The following DDX18 variants were observed in gnomAD, a reference collection of about 807,000 sequenced individuals.
The protein encoded by DDX18 is ATP-dependent RNA helicase DDX18.
A neutral mutation model predicts 73.5 loss-of-function variants in DDX18; 23 were observed. The observed-to-expected ratio is 0.31, with a 90% confidence interval of 0.23 to 0.44. The LOEUF (loss-of-function observed/expected upper bound fraction) is 0.44. Ranked by LOEUF, DDX18 falls within the 20% of genes least tolerant of loss-of-function variation. The pLI, the probability that DDX18 is intolerant of heterozygous loss-of-function variation, is 1.00. For synonymous variants in DDX18, 268 were observed against 282.7 expected (o/e 0.95, Z 0.52); for missense variants, 753 against 792.9 (o/e 0.95, Z 0.60).
At chr2:117,815,725 T>G in intron 1 of DDX18, 1 of 152,212 alleles carries the variant, frequency 6.6e-6, no homozygotes, top group Non-Finnish European at 1.5e-5. Context: ...AGCGCATATG[T>G]AAGTAAATTT....
chr2:117,821,085 T>C (rs986202113), intron 3 of DDX18, 76 bp from the exon 4 acceptor site: 8 of 1,402,370 alleles, frequency 5.7e-6, no homozygotes, highest in South Asian at 1.6e-5. Flanking sequence ...CTAAGCAAAA[T>C]AGATTTAGGC....
Position 117,817,743 on chromosome 2 carries a change from T to G in DDX18, c.370+15T>G, listed in dbSNP as rs1453953691. 3.2e-6 allele frequency: 5 copies of G among 1,576,324 alleles called. No homozygotes were observed. Among genetic ancestry groups the G allele is most frequent in the Non-Finnish European group, 4.3e-6 (5 of 1,167,596 alleles). ...TGCTGAGCCTGGTAGGTATTTATTATCTTTGAACTTCAGCCATTTAGTTTT... is the reference window on the plus strand; with the variant it reads ...TGCTGAGCCTGGTAGGTATTTATTAGCTTTGAACTTCAGCCATTTAGTTTT... On this transcript the variant is annotated intron_variant, in intron 2 of 13. Transcript: ENST00000263239.
At position 117,828,661 on chromosome 2, in the gene DDX18, A is replaced by G. The variant is rs1265223241; in HGVS notation, c.1636-288A>G. The G allele has an allele frequency of 1.4e-5, 4 of 286,712 alleles. 1 individual carries two copies. In the Admixed American group the frequency reaches 2.0e-4, roughly 14 times the overall value. 17.8% of individuals were successfully genotyped at this position (286,712 alleles called of 1,614,324 possible). A position where few individuals can be genotyped will look rare whatever the true frequency, so the allele number is the denominator to read the frequency against. On this transcript the variant is annotated intron_variant, in intron 11 of 13. Transcript: ENST00000263239. ...CCTTCTGACTAGAAGCTTCAAGCTG[A>G]TTCATGGTTGCAAATAGTCAGGATT...
At position 117,821,720 on chromosome 2, in the gene DDX18, A is replaced by G; in HGVS notation, c.721A>G (p.Ile241Val). The stretch of plus-strand genomic sequence containing the variant: ...TTTTCTCATCCCTGCAGTTGAACTC[A>G]TTGTTAAGTTAAGGTTCATGCCCAG... ...LAFLIPAVEL[I>V]VKLRFMPRNG... Residue 241 changes from isoleucine to valine, a missense_variant, in exon 5 of 14, where the codon ATT becomes GTT. Ile to Val is a conservative substitution (Grantham distance 29). Coordinates refer to ENST00000263239, the MANE Select transcript of DDX18 (RefSeq NM_006773.4). 6.2e-7 allele frequency: 1 copy of G among 1,613,982 alleles called. No homozygotes were observed.
chr2:117,829,208 C>T (rs1162945635), intron 12 of DDX18, 81 bp from the exon 13 acceptor site: 18 of 1,444,914 alleles, frequency 1.2e-5, no homozygotes, highest in Non-Finnish European at 1.7e-5. Flanking sequence ...AGTGGCTTTG[C>T]TCTAGGATAT....
chr2:117,820,263 C>T (rs1414085197), intron 3 of DDX18, among the ~76,000 whole-genome samples: 2 of 152,202 alleles, frequency 1.3e-5, no homozygotes, highest in Non-Finnish European at 2.9e-5. Context: ...AGGCCCAACC[C>T]TAGACCTGCT....
rs984251182 is a variant in DDX18, at chr2:117,815,225, T to A, written c.85+363T>A. 3 of 233,830 alleles carry A rather than the reference T, an allele frequency of 1.3e-5. No homozygotes were observed. The South Asian group carries it at 1.8e-4, about 14-fold the overall frequency. The allele number at this position is 233,830 out of a possible 1,614,324, so 14.5% of individuals were successfully genotyped here. ...CCTCATCCCTCATTTCCGGTTATGC[T>A]GCATGAAACGTCTCATTTCCACCCA... On this transcript the variant is annotated intron_variant, in intron 1 of 13. Coordinates refer to ENST00000263239, the MANE Select transcript of DDX18 (RefSeq NM_006773.4).
Position 117,829,280 on chromosome 2 carries a change from C to T in DDX18, c.1693-9C>T. 1 of 1,575,308 alleles carries T rather than the reference C, an allele frequency of 6.3e-7. No individual in the cohort carries two copies. The highest frequency in any genetic ancestry group is 8.6e-7 in the Non-Finnish European group (1 of 1,164,830). On this transcript the variant is annotated splice_polypyrimidine_tract_variant and intron_variant, in intron 12 of 13. Coordinates refer to ENST00000263239, the MANE Select transcript of DDX18 (RefSeq NM_006773.4). ...TGTTTATTAAAACCAGTGTTTCTTT[C>T]TATTTCAGCTTGAGAAATTGATTGA...
In DDX18 at chr2:117,822,214, A is replaced by G. The variant is rs1157797542; in HGVS notation, c.1019A>G (p.Asp340Gly). The stretch of plus-strand genomic sequence containing the variant: ...ATTGATGAAGCTGATCGTATCTTGG[A>G]TGTGGGGTTTGAAGAGGAATTAAAG... ...LVIDEADRIL[D>G]VGFEEELKQI... The change falls in exon 7 of 14, where the codon GAT becomes GGT. Residue 340 changes from aspartate (D) to glycine (G), a missense_variant. Physicochemically the swap from Asp to Gly is moderately conservative, Grantham distance 94. Transcript: ENST00000263239. 1 of 1,613,706 alleles carries G rather than the reference A, an allele frequency of 6.2e-7. No individual in the cohort carries two copies. The highest frequency in any genetic ancestry group is 8.5e-7 in the Non-Finnish European group (1 of 1,179,828).
Position 117,829,116 on chromosome 2 carries a change from G to GAGGATC in DDX18, c.1692+115_1692+120dup, listed in dbSNP as rs1194287178. 4 of 1,166,436 alleles carry GAGGATC rather than the reference G, an allele frequency of 3.4e-6. No individual in the cohort carries two copies. The African/African-American group carries it at 6.1e-5, about 18-fold the overall frequency. 72.3% of individuals were successfully genotyped at this position (1,166,436 alleles called of 1,614,324 possible). The stretch of plus-strand genomic sequence containing the variant: ...TTTGAAGTCTACCCTGTCCTAAAGT[G>GAGGATC]AGGATCAGGCTGTGTAGTGTATAAG... On this transcript the variant is annotated intron_variant, in intron 12 of 13. Transcript: ENST00000263239.
At chr2:117,822,364 C>A in intron 7 of DDX18, 103 bp downstream of exon 7, 1 of 828,272 alleles carries the variant, frequency 1.2e-6, no homozygotes, top group Non-Finnish European at 1.9e-6. Context: ...TTTACCATAG[C>A]CAAGTGAGGT....
Position 117,829,436 on chromosome 2 carries a change from G to A in DDX18, c.1840G>A (p.Gly614Ser), listed in dbSNP as rs1558735481. 1 of 1,610,810 alleles carries A rather than the reference G, an allele frequency of 6.2e-7. No individual in the cohort carries two copies. The highest frequency in any genetic ancestry group is 1.7e-4 in the Middle Eastern group (1 of 6,042). Residue 614 changes from glycine to serine, a missense_variant, in exon 13 of 14, where the codon GGT (glycine) becomes AGT (serine). Physicochemically the swap from Gly to Ser is moderately conservative, Grantham distance 56. Coordinates refer to ENST00000263239, the MANE Select transcript of DDX18 (RefSeq NM_006773.4). ...LNLPQVALSF[G>S]FKVPPFVDLN... is the part of the protein sequence containing the mutation. ...TTTGCCTCAGGTTGCTCTGTCATTTGGTTTCAAGGTGCCTCCCTTCGTTGA... is the reference window on the plus strand; with the variant it reads ...TTTGCCTCAGGTTGCTCTGTCATTTAGTTTCAAGGTGCCTCCCTTCGTTGA...
At position 117,824,698 on chromosome 2, in the gene DDX18, G is replaced by A; in HGVS notation, c.1196G>A (p.Gly399Asp). The A allele has an allele frequency of 6.7e-7, 1 of 1,489,156 alleles. No homozygotes were observed. The highest frequency in any genetic ancestry group is 2.5e-5 in the Admixed American group (1 of 39,930). 92.2% of individuals were successfully genotyped at this position (1,489,156 alleles called of 1,614,324 possible). A position where few individuals can be genotyped will look rare whatever the true frequency, so the allele number is the denominator to read the frequency against. The change falls in exon 8 of 14, where the codon GGT becomes GAT. Residue 399 changes from glycine (G) to aspartate (D), a missense_variant. Transcript: ENST00000263239. ...DDDKANATVD[G>D]LEQGYVVCPS... ...GATAAAGCGAATGCAACAGTGGATG[G>A]TCTTGAACAGGTACTTTTTATCAAT...
In DDX18 at chr2:117,824,584, T is replaced by C; in HGVS notation, c.1082T>C (p.Met361Thr). ...IKLLPTRRQTMLFSATQTRKV... is the reference protein window; with the variant it reads ...IKLLPTRRQTTLFSATQTRKV... ...TCTGTTTCAGCACGTAGACAGACTATGCTCTTTTCTGCCACCCAAACTCGA... is the reference window on the plus strand; with the variant it reads ...TCTGTTTCAGCACGTAGACAGACTACGCTCTTTTCTGCCACCCAAACTCGA... Residue 361 changes from methionine to threonine, a missense_variant, in exon 8 of 14, where the codon ATG becomes ACG. Around this residue, in one of 3 missense-constraint regions of DDX18, gnomAD observed 402 missense variants for 419.4 expected, o/e 0.96. Coordinates refer to ENST00000263239, the MANE Select transcript of DDX18 (RefSeq NM_006773.4). 1 of 1,471,172 alleles carries C rather than the reference T, an allele frequency of 6.8e-7. No individual in the cohort carries two copies. The highest frequency in any genetic ancestry group is 9.0e-7 in the Non-Finnish European group (1 of 1,111,814). 91.1% of individuals were successfully genotyped at this position (1,471,172 alleles called of 1,614,324 possible). A position where few individuals can be genotyped will look rare whatever the true frequency, so the allele number is the denominator to read the frequency against.
In DDX18 at chr2:117,826,467, G is replaced by A. The variant is rs17047459; in HGVS notation, c.1635+85G>A. On this transcript the variant is annotated intron_variant, in intron 11 of 13. Transcript: ENST00000263239. The stretch of plus-strand genomic sequence containing the variant: ...TTTCTACATGTGTCAGAGGAGTCTC[G>A]AGTCTGGCCAGTGCTGTTACAACCA... The A allele has an allele frequency of 8.6e-3, 10,979 of 1,274,694 alleles. 656 individuals are homozygous for A. The African/African-American group carries it at 0.14, about 16-fold the overall frequency. 79.0% of individuals were successfully genotyped at this position (1,274,694 alleles called of 1,614,324 possible).
chr2:117,825,160 G>A, intron 9 of DDX18, 59 bp downstream of exon 9: 8 of 1,539,334 alleles, frequency 5.2e-6, no homozygotes, highest in South Asian at 5.0e-5. Flanking sequence ...CCTATAGATT[G>A]TAGGATTGGA....
intron 4 of DDX18, 110 bp from the exon 5 acceptor site, chr2:117,821,539 CT>C: frequency 8.0e-7 from 1 of 1,252,574 alleles, no homozygotes; most frequent in African/African-American, 1.5e-5. Context: ...AATTTCAGCA[CT>C]GTAGACGTTT....
At chr2:117,817,789 T>A in intron 2 of DDX18, 61 bp downstream of exon 2, 1 of 1,501,060 alleles carries the variant, frequency 6.7e-7, no homozygotes, top group Non-Finnish European at 9.0e-7. Context: ...TTATTGTTCC[T>A]CTTTCTATTA....
At position 117,831,202 on chromosome 2, in the gene DDX18, A is replaced by G. The variant is rs1336738335; in HGVS notation, c.*478A>G. ...TATTTCTTGGACCTTGACAGTATCTAATGACTCCTCCTGAAAATGCTGCAG... is the reference window on the plus strand; with the variant it reads ...TATTTCTTGGACCTTGACAGTATCTGATGACTCCTCCTGAAAATGCTGCAG... On this transcript the variant is annotated 3_prime_UTR_variant, in exon 14 of 14. Coordinates refer to ENST00000263239, the MANE Select transcript of DDX18 (RefSeq NM_006773.4). The G allele has an allele frequency of 1.3e-5, 2 of 153,574 alleles. No individual in the cohort carries two copies. Among genetic ancestry groups the G allele is most frequent in the African/African-American group, 4.8e-5 (2 of 41,456 alleles). The allele number at this position is 153,574 out of a possible 1,614,324, so 9.5% of individuals were successfully genotyped here.
Sources: allele counts gnomAD v4.1 joint callset (sites outside exome capture counted in the v4.1 genomes callset), GRCh38; gene constraint gnomAD v4.1.1; regional missense constraint gnomAD v4.1.1; transcripts MANE v1.5; gene names NCBI Gene and HGNC (gene_info 2026-07-23, HGNC 2026-07-21).